Variants in TTC29 observed in about 807,000 individuals in gnomAD.
TTC29 encodes tetratricopeptide repeat domain 29.
In TTC29, 49 loss-of-function variants were observed where a neutral mutation model predicts 58.1. The ratio of observed to expected loss-of-function variants is 0.84; its 90% CI spans 0.67 to 1.07. TTC29 has a LOEUF of 1.07. Among genes scored for constraint, TTC29 ranks in the 50% least tolerant of loss-of-function variants. The probability of loss-of-function intolerance (pLI) is 0.00; values close to 1 mark genes in which losing one functional copy is unlikely to be tolerated. For synonymous variants in TTC29, 209 were observed against 196.8 expected (o/e 1.06, Z -0.52); for missense variants, 582 against 555.6 (o/e 1.05, Z -0.48).
chr4:146,837,866 T>A (rs1188688619), intron 8 of TTC29, among the ~76,000 whole-genome samples: 1 of 151,986 alleles, frequency 6.6e-6, no homozygotes, highest in Non-Finnish European at 1.5e-5. Flanking sequence ...ATTTGTCTAT[T>A]TTTAAAGTTC....
intron 11 of TTC29, among the ~76,000 whole-genome samples, chr4:146,712,848 G>A (rs1484888704): frequency 6.6e-6 from 1 of 151,970 alleles, no homozygotes; most frequent in Non-Finnish European, 1.5e-5. Context: ...CTGGACTTTG[G>A]GTGAGGGCAG....
rs1733314582 is a variant in TTC29 at position 146,903,658 on chromosome 4, C to A, written c.472G>T (p.Val158Leu). 6.2e-7 allele frequency: 1 copy of A among 1,612,488 alleles called. No homozygotes were observed. The highest frequency in any genetic ancestry group is 1.1e-5 in the South Asian group (1 of 90,878). Residue 158 changes from valine (V) to leucine (L), a missense_variant, in exon 6 of 13, where the codon GTA (valine) becomes TTA (leucine). By Grantham distance (32) the Val-to-Leu change is conservative (BLOSUM62 1). Coordinates refer to ENST00000325106, the MANE Select transcript of TTC29 (RefSeq NM_031956.4). ...CATCGTTCATAGAAGTGGTTCCTTA[C>A]CCACTTGTCTTCAGAATTATTGAAG... ...CYFNNSEDKW[V>L]RNHFYERCFK...
chr4:146,829,500 A>C (rs751599046), intron 9 of TTC29, among the ~76,000 whole-genome samples: 3 of 152,198 alleles, frequency 2.0e-5, no homozygotes, highest in Admixed American at 2.0e-4. Context: ...GGCAAATGGG[A>C]TCAGTGACAG....
chr4:146,844,116 A>G (rs977923472), intron 8 of TTC29, among the ~76,000 whole-genome samples: 10 of 152,208 alleles, frequency 6.6e-5, no homozygotes, highest in African/African-American at 2.4e-4. Context: ...AGAATACCCA[A>G]TTATCTTTCA....
At chr4:146,871,583 T>C (rs753878522) in intron 7 of TTC29, among the ~76,000 whole-genome samples, 3 of 151,970 alleles carry the variant, frequency 2.0e-5, no homozygotes, top group South Asian at 4.2e-4. Context: ...AAGATCAATA[T>C]AGAAAAGTCA....
chr4:146,795,143 G>A (rs1749749258), intron 11 of TTC29, among the ~76,000 whole-genome samples: 1 of 152,242 alleles, frequency 6.6e-6, no homozygotes, highest in Admixed American at 6.5e-5. Flanking sequence ...TGAGTATAAT[G>A]TAGTGTGAAA....
intron 11 of TTC29, among the ~76,000 whole-genome samples, chr4:146,755,694 CTA>C (rs143208042): frequency 1.2e-4 from 18 of 149,594 alleles, no homozygotes; most frequent in South Asian, 2.1e-4. Flanking sequence ...CTTTTTTTAA[CTA>C]TATATATATA....
chr4:146,832,641 T>TTGTG (rs201136243), intron 9 of TTC29, among the ~76,000 whole-genome samples: 36 of 149,188 alleles, frequency 2.4e-4, no homozygotes, highest in South Asian at 8.5e-4. Flanking sequence ...CCAACTAATT[T>TTGTG]TGTGTGTGTG....
intron 6 of TTC29, among the ~76,000 whole-genome samples, chr4:146,889,869 A>G (rs761540214): frequency 3.4e-4 from 52 of 152,120 alleles, no homozygotes; most frequent in Admixed American, 1.6e-3. Flanking sequence ...TTTATATGAG[A>G]TATTAGTTTT....
At chr4:146,881,788 C>A (rs931895534) in intron 6 of TTC29, among the ~76,000 whole-genome samples, 1 of 152,168 alleles carries the variant, frequency 6.6e-6, no homozygotes, top group East Asian at 1.9e-4. Flanking sequence ...TGCACTATAA[C>A]CCACTGCACA....
intron 10 of TTC29, among the ~76,000 whole-genome samples, chr4:146,807,370 G>A (rs1206236666): frequency 6.6e-6 from 1 of 151,876 alleles, no homozygotes; most frequent in Non-Finnish European, 1.5e-5. Flanking sequence ...GCTAGCAGAA[G>A]GCAAGAAATA....
At chr4:146,798,688 C>A (rs1749994764) in intron 11 of TTC29, among the ~76,000 whole-genome samples, 1 of 151,566 alleles carries the variant, frequency 6.6e-6, no homozygotes, top group South Asian at 2.1e-4. Flanking sequence ...CAGATTGAGA[C>A]CATCCTGGGT....
intron 11 of TTC29, among the ~76,000 whole-genome samples, chr4:146,731,820 A>G (rs1744355183): frequency 3.3e-5 from 5 of 152,172 alleles, no homozygotes; most frequent in African/African-American, 1.2e-4. Flanking sequence ...CTTGGGAATC[A>G]AAGTTAAGGT....
At chr4:146,825,144 C>A (rs1334674264) in intron 9 of TTC29, among the ~76,000 whole-genome samples, 1 of 152,106 alleles carries the variant, frequency 6.6e-6, no homozygotes, top group East Asian at 1.9e-4. Context: ...CTTCTGCTAG[C>A]TTTTGGATTA....
intron 4 of TTC29, among the ~76,000 whole-genome samples, chr4:146,936,608 C>A (rs1735842182): frequency 6.6e-6 from 1 of 152,000 alleles, no homozygotes; most frequent in South Asian, 2.1e-4. Context: ...GTGATTACAG[C>A]TACTGTAAAA....
chr4:146,810,195 G>C (rs969247346), intron 10 of TTC29, among the ~76,000 whole-genome samples: 1 of 152,174 alleles, frequency 6.6e-6, no homozygotes, highest in African/African-American at 2.4e-5. Context: ...TCACTCATAA[G>C]TGGGAGTTGA....
chr4:146,900,839 G>GT (rs1466628100), intron 6 of TTC29, among the ~76,000 whole-genome samples: 1 of 151,956 alleles, frequency 6.6e-6, no homozygotes, highest in Non-Finnish European at 1.5e-5. Flanking sequence ...TTTATGTTAT[G>GT]TTTTTCACCA....
chr4:146,926,990 A>C (rs2150312259), intron 4 of TTC29, among the ~76,000 whole-genome samples: 1 of 150,122 alleles, frequency 6.7e-6, no homozygotes, highest in African/African-American at 2.4e-5. Flanking sequence ...CCACCTACTC[A>C]GGAGGCTGAG....
At position 146,744,747 on chromosome 4, in the gene TTC29, A is replaced by G. The variant is rs906667989; in HGVS notation, c.1331-37196T>C. On this transcript the variant is annotated intron_variant, in intron 11 of 12. Coordinates refer to ENST00000325106, the MANE Select transcript of TTC29 (RefSeq NM_031956.4). ...AGCTGCTTCCTTGTCTGTGTATGAG[A>G]TCTCTGAGGGCAGAGATTACATTTA... 3.3e-5 allele frequency among the ~76,000 whole-genome samples: 5 copies of G among 151,918 alleles called. No individual in the cohort carries two copies. The East Asian group carries it at 9.7e-4, about 29-fold the overall frequency.
Sources: gnomAD v4.1 joint callset for allele counts (sites outside exome capture counted in the v4.1 genomes callset) on GRCh38, gnomAD v4.1.1 for gene constraint, MANE v1.5 for transcripts, NCBI Gene and HGNC (gene_info 2026-07-23, HGNC 2026-07-21) for gene names.